The following LBH variants were observed in gnomAD, a reference collection of about 807,000 sequenced individuals.
The protein encoded by LBH is protein LBH.
A neutral mutation model predicts 12.5 loss-of-function variants in LBH; 7 were observed. That is an observed-to-expected ratio of 0.56 (90% confidence interval 0.32 to 1.05). The LOEUF (loss-of-function observed/expected upper bound fraction) is 1.05, where lower values mean the gene tolerates loss of function less well. Ranked by LOEUF, LBH falls within the 50% of genes least tolerant of loss-of-function variation. LBH has a pLI of 0.04. For missense variants in LBH, 119 were observed against 138.9 expected, an observed-to-expected ratio of 0.86 and a Z score of 0.72; for synonymous variants, 51 against 50.1, an observed-to-expected ratio of 1.02 and a Z score of -0.08.
chr2:30,247,004 A>T (rs1363533243), intron 2 of LBH, among the ~76,000 whole-genome samples: 1 of 151,798 alleles, frequency 6.6e-6, no homozygotes, highest in African/African-American at 2.4e-5. Flanking sequence ...TTTTAATTGT[A>T]GAGATGGGGT....
At chr2:30,255,442 C>G (rs901945871) in intron 2 of LBH, among the ~76,000 whole-genome samples, 1 of 152,234 alleles carries the variant, frequency 6.6e-6, no homozygotes, top group African/African-American at 2.4e-5. Context: ...CCTCCCTGGA[C>G]TTGTTTTCCT....
intron 2 of LBH, among the ~76,000 whole-genome samples, chr2:30,251,219 C>T (rs1360347669): frequency 6.6e-6 from 1 of 151,798 alleles, no homozygotes; most frequent in Non-Finnish European, 1.5e-5. Flanking sequence ...CCGTGCCTGG[C>T]CAATTTTAGC....
intron 2 of LBH, among the ~76,000 whole-genome samples, chr2:30,244,788 C>A (rs1221297705): frequency 6.6e-6 from 1 of 152,058 alleles, no homozygotes; most frequent in Non-Finnish European, 1.5e-5. Context: ...CACCCGTAGT[C>A]CCAGCTACTT....
At chr2:30,251,008 A>G (rs967775388) in intron 2 of LBH, among the ~76,000 whole-genome samples, 1 of 151,542 alleles carries the variant, frequency 6.6e-6, no homozygotes, top group African/African-American at 2.4e-5. Context: ...TAAATAAAAA[A>G]TAACACTTTA....
intron 2 of LBH, among the ~76,000 whole-genome samples, chr2:30,243,525 CTTTTTTTTT>C (rs886828942): frequency 9.1e-6 from 1 of 110,142 alleles, no homozygotes. Context: ...GGGCTGGACT[CTTTTTTTTT>C]TTTTTTTTTT....
chr2:30,240,723 C>T (rs929120692), intron 2 of LBH, among the ~76,000 whole-genome samples: 2 of 152,200 alleles, frequency 1.3e-5, no homozygotes, highest in African/African-American at 4.8e-5. Context: ...GCATTTTAAC[C>T]TCAAGGAAAC....
At chr2:30,233,974 C>G (rs942899533) in intron 1 of LBH, among the ~76,000 whole-genome samples, 1 of 152,174 alleles carries the variant, frequency 6.6e-6, no homozygotes, top group Admixed American at 6.5e-5. Context: ...ATATAGAGTT[C>G]CCCTTTGGAA....
chr2:30,257,897 C>T lies in LBH; in HGVS notation c.*276C>T, dbSNP rs1029214854. 14 of 276,614 alleles carry T rather than the reference C, an allele frequency of 5.1e-5. No homozygotes were observed. In the East Asian group the frequency reaches 5.6e-4, roughly 11 times the overall value. The allele number at this position is 276,614 out of a possible 1,614,324, so 17.1% of individuals were successfully genotyped here. On this transcript the variant is annotated 3_prime_UTR_variant, in exon 3 of 3. Coordinates refer to ENST00000395323, the MANE Select transcript of LBH (RefSeq NM_030915.4). ...CCAGGGGGTTAGTGGGTGAGGGGAG[C>T]GAGTGCTGTTTTTGAGATCATTATC...
At position 30,259,617 on chromosome 2, in the gene LBH, G is replaced by A. The variant is rs1473864312; in HGVS notation, c.*1996G>A. On this transcript the variant is annotated 3_prime_UTR_variant, in exon 3 of 3. Transcript: ENST00000395323. The stretch of plus-strand genomic sequence containing the variant: ...TGATGGGAACATGCTTGTAAACTGC[G>A]TAACAAATCTACTTTGTGTATGTGT... The A allele has an allele frequency of 2.6e-5, 4 of 152,502 alleles. No individual in the cohort carries two copies. Among genetic ancestry groups the A allele is most frequent in the African/African-American group, 7.2e-5 (3 of 41,430 alleles). 9.4% of individuals were successfully genotyped at this position (152,502 alleles called of 1,614,324 possible). A position where few individuals can be genotyped will look rare whatever the true frequency, so the allele number is the denominator to read the frequency against.
chr2:30,239,671 C>T (rs1677753607), intron 2 of LBH, among the ~76,000 whole-genome samples: 1 of 152,164 alleles, frequency 6.6e-6, no homozygotes, highest in African/African-American at 2.4e-5. Context: ...CCACCCGCCT[C>T]TCTCCTTGAC....
chr2:30,237,203 A>G (rs1203836649), intron 2 of LBH, among the ~76,000 whole-genome samples: 1 of 152,184 alleles, frequency 6.6e-6, no homozygotes, highest in African/African-American at 2.4e-5. Flanking sequence ...CTGCTTTTCT[A>G]AGGAACTGAG....
chr2:30,253,765 T>A (rs755145360), intron 2 of LBH, among the ~76,000 whole-genome samples: 1 of 152,220 alleles, frequency 6.6e-6, no homozygotes, highest in Non-Finnish European at 1.5e-5. Context: ...ATTTTGCTTA[T>A]GTCCTCAAAG....
intron 2 of LBH, 145 bp from the exon 3 acceptor site, chr2:30,257,288 A>G (rs1678102204): frequency 3.8e-6 from 3 of 798,918 alleles, no homozygotes; most frequent in Admixed American, 2.3e-5. Context: ...CTCCCACCTT[A>G]TATACTCCAC....
At chr2:30,243,065 T>C (rs552207231) in intron 2 of LBH, among the ~76,000 whole-genome samples, 1 of 152,318 alleles carries the variant, frequency 6.6e-6, no homozygotes, top group Non-Finnish European at 1.5e-5. Flanking sequence ...TCTATAAAGA[T>C]GGGATAATGG....
At chr2:30,254,782 A>T (rs752722526) in intron 2 of LBH, among the ~76,000 whole-genome samples, 3 of 152,188 alleles carry the variant, frequency 2.0e-5, no homozygotes, top group Non-Finnish European at 2.9e-5. Flanking sequence ...CAGAGGGTGG[A>T]GGCAGGGCCA....
chr2:30,239,093 G>C (rs574854021), intron 2 of LBH, among the ~76,000 whole-genome samples: 1 of 151,944 alleles, frequency 6.6e-6, no homozygotes, highest in African/African-American at 2.4e-5. Context: ...GTCTCTCCAC[G>C]TTGGCCCTTC....
At position 30,257,743 on chromosome 2, in the gene LBH, G is replaced by A. The variant is rs1678111335; in HGVS notation, c.*122G>A. ...TCTGAAAATGTCAAACGAGGCTTCT[G>A]TTTTGCACCTGCAGATCACCGAGTT... is the stretch of plus-strand genomic sequence containing the variant. On this transcript the variant is annotated 3_prime_UTR_variant, in exon 3 of 3. Coordinates refer to ENST00000395323, the MANE Select transcript of LBH (RefSeq NM_030915.4). 12 of 648,746 alleles carry A rather than the reference G, an allele frequency of 1.8e-5. 1 individual carries two copies. The highest frequency in any genetic ancestry group is 2.9e-5 in the Non-Finnish European group (12 of 409,066). 40.2% of individuals were successfully genotyped at this position (648,746 alleles called of 1,614,324 possible). A position where few individuals can be genotyped will look rare whatever the true frequency, so the allele number is the denominator to read the frequency against.
At position 30,257,840 on chromosome 2, in the gene LBH, C is replaced by A; in HGVS notation, c.*219C>A. ...AGCAGTGGAGCCCTCTGACAATTTG[C>A]AAGGCCCTCTGAGAAAGGAAGCTGC... On this transcript the variant is annotated 3_prime_UTR_variant, in exon 3 of 3. Coordinates refer to ENST00000395323, the MANE Select transcript of LBH (RefSeq NM_030915.4). 2.5e-6 allele frequency: 1 copy of A among 400,600 alleles called. No individual in the cohort carries two copies. Among genetic ancestry groups the A allele is most frequent in the Non-Finnish European group, 4.4e-6 (1 of 227,078 alleles). The allele number at this position is 400,600 out of a possible 1,614,324, so 24.8% of individuals were successfully genotyped here.
At chr2:30,242,727 T>C (rs1677811429) in intron 2 of LBH, among the ~76,000 whole-genome samples, 1 of 152,242 alleles carries the variant, frequency 6.6e-6, no homozygotes, top group African/African-American at 2.4e-5. Flanking sequence ...TCACTTAATA[T>C]AATATCGTGA....
Sources: allele counts gnomAD v4.1 joint callset (sites outside exome capture counted in the v4.1 genomes callset), GRCh38; gene constraint gnomAD v4.1.1; transcripts MANE v1.5; gene names NCBI Gene and HGNC (gene_info 2026-07-23, HGNC 2026-07-21).